Variants in EFCAB14 observed in about 807,000 individuals in gnomAD.
EFCAB14 encodes the protein EF-hand calcium binding domain 14, also known as EF-hand calcium-binding domain-containing protein 14.
In EFCAB14, 43 loss-of-function variants were observed where a neutral mutation model predicts 56.5. The observed-to-expected ratio is 0.76, with a 90% confidence interval of 0.60 to 0.98. The LOEUF is 0.98. EFCAB14 is among the 50% of genes least tolerant of loss of function. The pLI is 0.00. For synonymous variants in EFCAB14, 235 were observed against 212.9 expected, an observed-to-expected ratio of 1.10 and a Z score of -0.90; for missense variants, 538 against 580.3, an observed-to-expected ratio of 0.93 and a Z score of 0.75.
intron 2 of EFCAB14, among the ~76,000 whole-genome samples, chr1:46,714,256 A>G (rs1486586640): frequency 1.1e-4 from 17 of 152,144 alleles, no homozygotes. Flanking sequence ...CGAAAGTAAG[A>G]ACTTTAATTC....
chr1:46,705,855 G>A (rs1677226301), intron 3 of EFCAB14, among the ~76,000 whole-genome samples: 1 of 151,738 alleles, frequency 6.6e-6, no homozygotes, highest in African/African-American at 2.4e-5. Context: ...ATGTGCCCTA[G>A]GAATTTAACT....
intron 2 of EFCAB14, 99 bp from the exon 3 acceptor site, chr1:46,708,150 T>C: frequency 8.7e-7 from 1 of 1,148,720 alleles, no homozygotes; most frequent in Non-Finnish European, 1.2e-6. Flanking sequence ...GATGGATTAA[T>C]AAAAGTTAAT....
intron 4 of EFCAB14, among the ~76,000 whole-genome samples, chr1:46,693,767 G>A (rs547280478): frequency 3.6e-4 from 55 of 152,148 alleles, no homozygotes; most frequent in African/African-American, 1.3e-3. Flanking sequence ...TCTGAAACTA[G>A]TATTCCCATC....
chr1:46,677,774 C>T lies in EFCAB14; in HGVS notation c.*687G>A, dbSNP rs913422953. On this transcript the variant is annotated 3_prime_UTR_variant, in exon 11 of 11. Coordinates refer to ENST00000371933, the MANE Select transcript of EFCAB14 (RefSeq NM_014774.3). Reference sequence around the variant, plus strand: ...AGAACCAGAATCCTACTTCCATGAGCCATGCCTGGAGTCAGTATTGTCTCC... The same window carrying T: ...AGAACCAGAATCCTACTTCCATGAGTCATGCCTGGAGTCAGTATTGTCTCC... The T allele has an allele frequency of 6.6e-6, 1 of 152,244 alleles. No individual in the cohort carries two copies. The highest frequency in any genetic ancestry group is 1.9e-4 in the East Asian group (1 of 5,196). 9.4% of individuals were successfully genotyped at this position (152,244 alleles called of 1,614,324 possible).
rs2148852461 is a variant in EFCAB14, at chr1:46,716,291, T to C, written c.334+4A>G. 2 of 1,593,844 alleles carry C rather than the reference T, an allele frequency of 1.3e-6. No individual in the cohort carries two copies. Among genetic ancestry groups the C allele is most frequent in the East Asian group, 2.3e-5 (1 of 44,288 alleles). ...AAAAAAAAAGAGAGTAACCACTTAC[T>C]TACTTGTTCGAAATTTTTCCTTGAG... On this transcript the variant is annotated splice_donor_region_variant and intron_variant, in intron 2 of 10. Transcript: ENST00000371933.
Position 46,683,373 on chromosome 1 carries a change from CTG to C in EFCAB14, c.1237_1238del (p.Gln413ValfsTer7), listed in dbSNP as rs773560951. 79 of 1,614,054 alleles carry C rather than the reference CTG, an allele frequency of 4.9e-5. No individual in the cohort carries two copies. The highest frequency in any genetic ancestry group is 2.0e-4 in the African/African-American group (15 of 75,042). Reference sequence around the variant, plus strand: ...CTTTCTCAACTGGGTCTCCAAGAAACTGTGAAAATTTTGGCAATGCTGATGGC... The same window carrying C: ...CTTTCTCAACTGGGTCTCCAAGAAACTGAAAATTTTGGCAATGCTGATGGC... Reference protein sequence around the residue: ...SKPSALPKFSQFLGDPVEKAA... With the variant: ...SKPSALPKFSXFLGDPVEKAA... On this transcript the variant is annotated frameshift_variant, in exon 10 of 11. Transcript: ENST00000371933. LOFTEE classifies it high-confidence loss of function.
intron 8 of EFCAB14, chr1:46,686,564 C>T (rs943019868): frequency 3.6e-6 from 2 of 548,214 alleles, no homozygotes; most frequent in African/African-American, 3.8e-5. Context: ...CTGCCTTGCT[C>T]ACTATGGTCC....
At chr1:46,710,177 A>G (rs1398022681) in intron 2 of EFCAB14, among the ~76,000 whole-genome samples, 1 of 152,250 alleles carries the variant, frequency 6.6e-6, no homozygotes, top group African/African-American at 2.4e-5. Context: ...GGGCTTCATT[A>G]TAATGACAGA....
At chr1:46,679,607 T>TTTTG (rs1676757461) in intron 10 of EFCAB14, among the ~76,000 whole-genome samples, 2 of 61,326 alleles carry the variant, frequency 3.3e-5, no homozygotes, top group African/African-American at 6.9e-5. Flanking sequence ...CTGTTTTTTT[T>TTTTG]TTTTTTTTTT....
chr1:46,712,023 T>A (rs1345296285), intron 2 of EFCAB14, among the ~76,000 whole-genome samples: 1 of 152,138 alleles, frequency 6.6e-6, no homozygotes, highest in African/African-American at 2.4e-5. Context: ...CACAAATACA[T>A]CTTTATGTTT....
chr1:46,708,639 C>A (rs1033833720), intron 2 of EFCAB14, among the ~76,000 whole-genome samples: 1 of 152,140 alleles, frequency 6.6e-6, no homozygotes, highest in African/African-American at 2.4e-5. Flanking sequence ...TACCACCTTT[C>A]GAATGCTGTT....
intron 4 of EFCAB14, 41 bp downstream of exon 4, chr1:46,696,510 A>G (rs773320876): frequency 5.9e-5 from 93 of 1,571,140 alleles, no homozygotes; most frequent in South Asian, 4.8e-4. Flanking sequence ...CACACATGGC[A>G]CCTACCTTCT....
At chr1:46,703,904 T>C (rs947645907) in intron 3 of EFCAB14, among the ~76,000 whole-genome samples, 2 of 152,174 alleles carry the variant, frequency 1.3e-5, no homozygotes, top group Non-Finnish European at 2.9e-5. Flanking sequence ...AGTACAGAAT[T>C]GATAAATTAT....
intron 10 of EFCAB14, among the ~76,000 whole-genome samples, chr1:46,680,491 G>A (rs1676775213): frequency 6.6e-6 from 1 of 152,204 alleles, no homozygotes; most frequent in South Asian, 2.1e-4. Flanking sequence ...CATACTGTAT[G>A]ATTCCATTTA....
intron 3 of EFCAB14, among the ~76,000 whole-genome samples, chr1:46,701,071 T>G (rs1469248172): frequency 6.6e-6 from 1 of 152,090 alleles, no homozygotes; most frequent in Non-Finnish European, 1.5e-5. Context: ...GATTTCTGTA[T>G]GTGTTTTATA....
At chr1:46,686,899 C>G in intron 7 of EFCAB14, 29 bp from the exon 8 acceptor site, 12 of 1,604,730 alleles carry the variant, frequency 7.5e-6, no homozygotes, top group Non-Finnish European at 1.0e-5. Context: ...AACAAACAAA[C>G]AAAGGGAAGA....
intron 3 of EFCAB14, among the ~76,000 whole-genome samples, chr1:46,707,588 T>C (rs1279924056): frequency 2.0e-5 from 3 of 152,256 alleles, no homozygotes; most frequent in South Asian, 4.1e-4. Context: ...GGGGGTTAGA[T>C]GACACTCCTT....
At chr1:46,695,074 G>A (rs1265861429) in intron 4 of EFCAB14, among the ~76,000 whole-genome samples, 8 of 128,960 alleles carry the variant, frequency 6.2e-5, no homozygotes, top group Non-Finnish European at 1.3e-4. Flanking sequence ...ACCGGGGCCT[G>A]TTTTGGGGTG....
chr1:46,718,493 C>T lies in EFCAB14; in HGVS notation c.-406G>A, dbSNP rs1677433170. 6.4e-6 allele frequency: 1 copy of T among 155,628 alleles called. No individual in the cohort carries two copies. The highest frequency in any genetic ancestry group is 1.4e-5 in the Non-Finnish European group (1 of 70,340). The allele number at this position is 155,628 out of a possible 1,614,324, so 9.6% of individuals were successfully genotyped here. On this transcript the variant is annotated 5_prime_UTR_variant, in exon 1 of 11. Coordinates refer to ENST00000371933, the MANE Select transcript of EFCAB14 (RefSeq NM_014774.3). The stretch of plus-strand genomic sequence containing the variant: ...GCTCCAGGAGGTGAGGAAGGGCACG[C>T]TTAAAATACGTGTTTCGGACCTCCG...
Sources: allele counts gnomAD v4.1 joint callset (sites outside exome capture counted in the v4.1 genomes callset), GRCh38; gene constraint gnomAD v4.1.1; transcripts MANE v1.5; gene names NCBI Gene and HGNC (gene_info 2026-07-23, HGNC 2026-07-21).